ADGRB1: variants seen among roughly 807,000 people sequenced by gnomAD.
The protein encoded by ADGRB1 is adhesion G protein-coupled receptor B1.
A neutral mutation model predicts 175.7 loss-of-function variants in ADGRB1; 36 were observed. The ratio of observed to expected loss-of-function variants is 0.20; its 90% CI spans 0.16 to 0.27. ADGRB1 has a LOEUF of 0.27. Among genes scored for constraint, ADGRB1 ranks in the 10% least tolerant of loss-of-function variants. ADGRB1 has a pLI of 1.00. For missense variants in ADGRB1, 1,731 were observed against 2,255.3 expected, an observed-to-expected ratio of 0.77 and a Z score of 4.71; for synonymous variants, 1,054 against 979.4, an observed-to-expected ratio of 1.08 and a Z score of -1.42.
At chr8:142,532,581 T>C (rs1017454627) in intron 24 of ADGRB1, among the ~76,000 whole-genome samples, 1 of 152,090 alleles carries the variant, frequency 6.6e-6, no homozygotes, top group African/African-American at 2.4e-5. Context: ...CCTGTCAGTC[T>C]GTCTGTTGCC....
intron 1 of ADGRB1, among the ~76,000 whole-genome samples, chr8:142,453,044 GCTC>G (rs1839453760): frequency 8.2e-5 from 3 of 36,494 alleles, no homozygotes; most frequent in Non-Finnish European, 8.5e-5. Flanking sequence ...CCGCCCGCCC[GCTC>G]GCTCGCTCGC....
chr8:142,498,858 G>A (rs1842349098), intron 17 of ADGRB1, among the ~76,000 whole-genome samples: 2 of 152,192 alleles, frequency 1.3e-5, no homozygotes, highest in South Asian at 4.1e-4. Flanking sequence ...ATAGCTGGGA[G>A]GGGCTTCGGC....
chr8:142,466,259 A>G (rs1840271235), intron 2 of ADGRB1, among the ~76,000 whole-genome samples: 1 of 152,080 alleles, frequency 6.6e-6, no homozygotes, highest in Non-Finnish European at 1.5e-5. Flanking sequence ...AGGGGCCTTG[A>G]CTTTTCTGGG....
At position 142,492,566 on chromosome 8, in the gene ADGRB1, C is replaced by T. The variant is rs182561693; in HGVS notation, c.2675+1751C>T. ...GGGATGAGCGTCGCAGGGGAAGGAG[C>T]AGCCGGGGCAAAGGCCTCAAGGTGG... On this transcript the variant is annotated intron_variant, in intron 17 of 30. Coordinates refer to ENST00000517894, the MANE Select transcript of ADGRB1 (RefSeq NM_001702.3). This position sits in a 1 kb window ranked among gnomAD's most constrained non-coding sequence, Gnocchi z 4.4. Among the ~76,000 whole-genome samples the T allele has an allele frequency of 5.9e-5, 9 of 152,184 alleles. 1 individual carries two copies. Among genetic ancestry groups the T allele is most frequent in the Admixed American group, 5.9e-4 (9 of 15,306 alleles).
rs1292132708 is a variant in ADGRB1 at position 142,464,298 on chromosome 8, G to A, written c.100G>A (p.Ala34Thr). Residue 34 changes from alanine (A) to threonine (T), a missense_variant, in exon 2 of 31, where the codon GCA (alanine) becomes ACA (threonine). Physicochemically the swap from Ala to Thr is moderately conservative, Grantham distance 58. Transcript: ENST00000517894. ...ACGCCGCGCGCGGGCGGCCGCCGGAGCAGACGCGGGGCCCGGGCCCGAGCC... is the reference window on the plus strand; with the variant it reads ...ACGCCGCGCGCGGGCGGCCGCCGGAACAGACGCGGGGCCCGGGCCCGAGCC... ...LGRRARAAAG[A>T]DAGPGPEPCA... The A allele has an allele frequency of 1.4e-6, 2 of 1,391,908 alleles. No homozygotes were observed. The highest frequency in any genetic ancestry group is 1.8e-6 in the Non-Finnish European group (2 of 1,081,416). The allele number at this position is 1,391,908 out of a possible 1,614,324, so 86.2% of individuals were successfully genotyped here.
chr8:142,489,725 C>T (rs1228696689), intron 16 of ADGRB1, among the ~76,000 whole-genome samples: 2 of 152,208 alleles, frequency 1.3e-5, no homozygotes, highest in Non-Finnish European at 2.9e-5. Context: ...CATTCCGCTT[C>T]TGAGAAGTGG....
At chr8:142,536,329 AGAT>A (rs1457346446) in intron 25 of ADGRB1, among the ~76,000 whole-genome samples, 1 of 152,080 alleles carries the variant, frequency 6.6e-6, no homozygotes, top group Non-Finnish European at 1.5e-5. Flanking sequence ...TGGCATTCGT[AGAT>A]GATGTCTCCT....
intron 24 of ADGRB1, among the ~76,000 whole-genome samples, chr8:142,527,782 A>G (rs532982281): frequency 6.6e-6 from 1 of 152,292 alleles, no homozygotes; most frequent in East Asian, 1.9e-4. Flanking sequence ...TCAGGGGCTC[A>G]CCCAGGGTGG....
intron 10 of ADGRB1, 42 bp from the exon 11 acceptor site, chr8:142,481,475 T>G: frequency 1.3e-6 from 2 of 1,577,236 alleles, no homozygotes; most frequent in Non-Finnish European, 1.7e-6. Flanking sequence ...CCTGGACATG[T>G]TCCACAGAGG....
chr8:142,479,326 A>G lies in ADGRB1; in HGVS notation c.1565A>G (p.Asp522Gly). ...RDCFLQQCPV[D>G]GKWQAWASWG... Reference sequence around the variant, plus strand: ...TGTGTCTGGCCACGCCCCGCAGTGGATGGCAAGTGGCAGGCCTGGGCGTCA... The same window carrying G: ...TGTGTCTGGCCACGCCCCGCAGTGGGTGGCAAGTGGCAGGCCTGGGCGTCA... Residue 522 changes from aspartate (D) to glycine (G), a missense_variant, in exon 8 of 31, where the codon GAT becomes GGT. Around this residue, in one of 8 missense-constraint regions of ADGRB1, gnomAD observed 388 missense variants for 630.9 expected, o/e 0.61. Transcript: ENST00000517894. The G allele has an allele frequency of 6.6e-7, 1 of 1,506,936 alleles. No individual in the cohort carries two copies. The highest frequency in any genetic ancestry group is 8.8e-7 in the Non-Finnish European group (1 of 1,132,910). The allele number at this position is 1,506,936 out of a possible 1,614,324, so 93.3% of individuals were successfully genotyped here. A position where few individuals can be genotyped will look rare whatever the true frequency, so the allele number is the denominator to read the frequency against.
chr8:142,473,810 G>C (rs1421930955), intron 2 of ADGRB1, among the ~76,000 whole-genome samples: 1 of 152,210 alleles, frequency 6.6e-6, no homozygotes, highest in African/African-American at 2.4e-5. Context: ...CACAGCTGTG[G>C]TGGGTCAAGT....
intron 2 of ADGRB1, among the ~76,000 whole-genome samples, chr8:142,467,130 C>G (rs1002819128): frequency 6.6e-6 from 1 of 152,212 alleles, no homozygotes; most frequent in African/African-American, 2.4e-5. Flanking sequence ...GAGCGCTGAG[C>G]TTCACTCCTC....
intron 22 of ADGRB1, among the ~76,000 whole-genome samples, chr8:142,523,041 G>C (rs370311400): frequency 1.5e-3 from 225 of 152,348 alleles, no homozygotes; most frequent in African/African-American, 5.3e-3. Flanking sequence ...CCCTCTGTAC[G>C]GTGCTGGTGA....
chr8:142,513,304 C>T (rs1184358997), intron 18 of ADGRB1, among the ~76,000 whole-genome samples: 3 of 152,126 alleles, frequency 2.0e-5, no homozygotes, highest in Admixed American at 6.5e-5. Context: ...GGGCTCTGGG[C>T]ACCAGCAGGG....
intron 1 of ADGRB1, among the ~76,000 whole-genome samples, 197 bp downstream of exon 1, chr8:142,450,301 C>G (rs1463871942): frequency 6.6e-6 from 1 of 151,680 alleles, no homozygotes; most frequent in Admixed American, 6.5e-5. Flanking sequence ...CCTTCTCCAG[C>G]GGTGGCGATG....
At chr8:142,525,145 C>T (rs1183712670) in intron 23 of ADGRB1, among the ~76,000 whole-genome samples, 1 of 152,086 alleles carries the variant, frequency 6.6e-6, no homozygotes, top group Non-Finnish European at 1.5e-5. Context: ...GGGGAGCTAG[C>T]CCTGTAGGGG....
chr8:142,521,613 C>T (rs1174442150), intron 20 of ADGRB1, among the ~76,000 whole-genome samples: 1 of 152,260 alleles, frequency 6.6e-6, no homozygotes, highest in Admixed American at 6.5e-5. Context: ...TGCTGTGTGT[C>T]CTTGGGGCGT....
At chr8:142,486,673 C>T (rs1384133024) in intron 13 of ADGRB1, among the ~76,000 whole-genome samples, 2 of 152,172 alleles carry the variant, frequency 1.3e-5, no homozygotes, top group Non-Finnish European at 2.9e-5. Flanking sequence ...CAAGACGGAT[C>T]GACATTCTTA....
At chr8:142,530,135 G>A (rs751081342) in intron 24 of ADGRB1, among the ~76,000 whole-genome samples, 1 of 152,122 alleles carries the variant, frequency 6.6e-6, no homozygotes, top group Non-Finnish European at 1.5e-5. Context: ...GTGTGAGTGT[G>A]TATATAATTG....
Sources: allele counts gnomAD v4.1 joint callset (sites outside exome capture counted in the v4.1 genomes callset), GRCh38; gene constraint gnomAD v4.1.1; regional missense constraint gnomAD v4.1.1; non-coding constraint Gnocchi (gnomAD v3.1); transcripts MANE v1.5; gene names NCBI Gene and HGNC (gene_info 2026-07-23, HGNC 2026-07-21).